Variants in TRIM44 observed in about 807,000 individuals in gnomAD.
TRIM44 encodes the protein tripartite motif-containing protein 44.
In TRIM44, 13 loss-of-function variants were observed where a neutral mutation model predicts 37.4. That is an observed-to-expected ratio of 0.35 (90% CI 0.23 to 0.55). The LOEUF (loss-of-function observed/expected upper bound fraction) is 0.55. Ranked by LOEUF, TRIM44 falls within the 20% of genes least tolerant of loss-of-function variation. The probability of loss-of-function intolerance (pLI) is 0.89; values close to 1 mark genes in which losing one functional copy is unlikely to be tolerated. For synonymous variants in TRIM44, 175 were observed against 157.2 expected (o/e 1.11, Z -0.85); for missense variants, 426 against 437.2 (o/e 0.97, Z 0.23).
chr11:35,685,154 G>T, intron 1 of TRIM44, 105 bp from the exon 2 acceptor site: 1 of 862,504 alleles, frequency 1.2e-6, no homozygotes, highest in Non-Finnish European at 1.9e-6. Context: ...TCTCTTGGCT[G>T]TTAAGAAAAA....
intron 2 of TRIM44, among the ~76,000 whole-genome samples, chr11:35,715,018 C>T (rs1001091088): frequency 6.6e-6 from 1 of 152,138 alleles, no homozygotes; most frequent in Non-Finnish European, 1.5e-5. Flanking sequence ...TTTATTGCCA[C>T]CCTGGGGTCA....
chr11:35,688,891 G>C (rs554957416), intron 2 of TRIM44, among the ~76,000 whole-genome samples: 2 of 152,198 alleles, frequency 1.3e-5, no homozygotes, highest in Admixed American at 1.3e-4. Context: ...TACCTTAGCT[G>C]TTTTCCTCTA....
intron 2 of TRIM44, among the ~76,000 whole-genome samples, chr11:35,706,841 G>T (rs1487086388): frequency 6.6e-6 from 1 of 151,392 alleles, no homozygotes; most frequent in Non-Finnish European, 1.5e-5. Context: ...CATTCCCTTT[G>T]AAAACTGGCA....
intron 4 of TRIM44, among the ~76,000 whole-genome samples, chr11:35,763,522 C>G (rs1228367455): frequency 6.6e-6 from 1 of 152,106 alleles, no homozygotes; most frequent in East Asian, 1.9e-4. Context: ...GTCATTGAAC[C>G]TCTCTGGCCT....
chr11:35,714,532 CTGAG>C (rs1431598210), intron 2 of TRIM44, among the ~76,000 whole-genome samples: 3 of 152,052 alleles, frequency 2.0e-5, no homozygotes, highest in East Asian at 1.9e-4. Context: ...GTGCCCTTTC[CTGAG>C]TATTTGTGGC....
intron 2 of TRIM44, among the ~76,000 whole-genome samples, chr11:35,725,066 TCACACACA>T (rs59413888): frequency 0.15 from 21,491 of 141,016 alleles, 1,755 homozygotes; most frequent in East Asian, 0.22. Context: ...ATGCACACAC[TCACACACA>T]CACACACACA....
intron 2 of TRIM44, among the ~76,000 whole-genome samples, chr11:35,701,143 A>G (rs985454021): frequency 6.6e-6 from 1 of 152,148 alleles, no homozygotes; most frequent in African/African-American, 2.4e-5. Context: ...CAAGTCCCCC[A>G]AAATTAAGGG....
At chr11:35,678,473 A>G (rs1851487607) in intron 1 of TRIM44, among the ~76,000 whole-genome samples, 1 of 152,204 alleles carries the variant, frequency 6.6e-6, no homozygotes, top group South Asian at 2.1e-4. Flanking sequence ...ATGAAGTAAT[A>G]TAAAGGAGGT....
rs1853459362 is a variant in TRIM44 at position 35,806,914 on chromosome 11, A to AGATG, written c.*534_*537dup. ...GTGAAAATTGTGGTGCCATGAATTA[A>AGATG]GATGGATGACTGGAAAAAGGTGTTG... On this transcript the variant is annotated 3_prime_UTR_variant, in exon 5 of 5. Transcript: ENST00000299413. The AGATG allele has an allele frequency of 6.5e-6, 1 of 152,842 alleles. No homozygotes were observed. The highest frequency in any genetic ancestry group is 1.5e-5 in the Non-Finnish European group (1 of 68,472). 9.5% of individuals were successfully genotyped at this position (152,842 alleles called of 1,614,324 possible).
At chr11:35,685,993 G>A (rs956940565) in intron 2 of TRIM44, among the ~76,000 whole-genome samples, 1 of 152,196 alleles carries the variant, frequency 6.6e-6, no homozygotes, top group African/African-American at 2.4e-5. Context: ...GCCAGGGACT[G>A]GCATGGGATC....
Position 35,767,405 on chromosome 11 carries a change from C to T in TRIM44, c.1007+31960C>T, listed in dbSNP as rs79798353. On this transcript the variant is annotated intron_variant, in intron 4 of 4. Coordinates refer to ENST00000299413, the MANE Select transcript of TRIM44 (RefSeq NM_017583.6). ...CCTTACCTGGCCCTCCTCTGTCAGT[C>T]ACAGGTTAGGTATGCAATAGATAAT... Among the ~76,000 whole-genome samples, 1,428 of 152,172 alleles carry T rather than the reference C, an allele frequency of 9.4e-3. 13 individuals carry two copies. The highest frequency in any genetic ancestry group is 0.014 in the Non-Finnish European group (967 of 67,982).
At chr11:35,716,262 C>T (rs903680815) in intron 2 of TRIM44, among the ~76,000 whole-genome samples, 1 of 152,116 alleles carries the variant, frequency 6.6e-6, no homozygotes, top group Non-Finnish European at 1.5e-5. Flanking sequence ...GAAAGCTGAT[C>T]AAGAACAAGT....
chr11:35,690,982 A>T (rs1851630962), intron 2 of TRIM44, among the ~76,000 whole-genome samples: 1 of 151,970 alleles, frequency 6.6e-6, no homozygotes, highest in Admixed American at 6.6e-5. Context: ...TAGCAATGTG[A>T]CCCTTAACTG....
intron 4 of TRIM44, among the ~76,000 whole-genome samples, chr11:35,767,049 C>T (rs1189714135): frequency 6.6e-6 from 1 of 152,158 alleles, no homozygotes; most frequent in Non-Finnish European, 1.5e-5. Flanking sequence ...GTAAACAACA[C>T]GTTTCTGGTG....
At chr11:35,797,760 C>G (rs1439022654) in intron 4 of TRIM44, among the ~76,000 whole-genome samples, 2 of 152,116 alleles carry the variant, frequency 1.3e-5, no homozygotes, top group Admixed American at 1.3e-4. Flanking sequence ...GAGAAACTGT[C>G]AGAGCCGAGA....
chr11:35,789,216 C>G (rs1051517906), intron 4 of TRIM44, among the ~76,000 whole-genome samples: 1 of 152,164 alleles, frequency 6.6e-6, no homozygotes, highest in Middle Eastern at 3.4e-3. Flanking sequence ...AGTAAAAGAC[C>G]TATGCACCTC....
chr11:35,801,920 T>G (rs1853376586), intron 4 of TRIM44, among the ~76,000 whole-genome samples: 1 of 152,214 alleles, frequency 6.6e-6, no homozygotes, highest in African/African-American at 2.4e-5. Flanking sequence ...TTTTGCCCGT[T>G]TTTAAATTAA....
In TRIM44 at chr11:35,806,566, T is replaced by C. The variant is rs1257854406; in HGVS notation, c.*181T>C. The C allele has an allele frequency of 6.3e-6, 4 of 631,234 alleles. No homozygotes were observed. Among genetic ancestry groups the C allele is most frequent in the Non-Finnish European group, 1.1e-5 (4 of 358,390 alleles). The allele number at this position is 631,234 out of a possible 1,614,324, so 39.1% of individuals were successfully genotyped here. On this transcript the variant is annotated 3_prime_UTR_variant, in exon 5 of 5. Coordinates refer to ENST00000299413, the MANE Select transcript of TRIM44 (RefSeq NM_017583.6). ...GGGATGACCAGTTTTATGCTTACTGTGTGCTTCTCATCCCCTGGTTGTGGT... is the reference window on the plus strand; with the variant it reads ...GGGATGACCAGTTTTATGCTTACTGCGTGCTTCTCATCCCCTGGTTGTGGT...
At chr11:35,794,311 A>G (rs1172507705) in intron 4 of TRIM44, among the ~76,000 whole-genome samples, 1 of 152,218 alleles carries the variant, frequency 6.6e-6, no homozygotes, top group Non-Finnish European at 1.5e-5. Context: ...AAGTATTAGA[A>G]TCCAAGCCTG....
Sources: allele counts gnomAD v4.1 joint callset (sites outside exome capture counted in the v4.1 genomes callset), GRCh38; gene constraint gnomAD v4.1.1; transcripts MANE v1.5; gene names NCBI Gene and HGNC (gene_info 2026-07-23, HGNC 2026-07-21).